The following SIL1 variants were observed in gnomAD, a reference collection of about 807,000 sequenced individuals.
The protein encoded by SIL1 is SIL1 nucleotide exchange factor.
Under a neutral mutation model 49.1 loss-of-function variants are expected in SIL1, and 40 were observed. That is an observed-to-expected ratio of 0.81 (90% CI 0.63 to 1.06). The LOEUF (loss-of-function observed/expected upper bound fraction) is 1.06. Among genes scored for constraint, SIL1 ranks in the 50% least tolerant of loss-of-function variants. The pLI is 0.00. For missense variants in SIL1, 500 were observed against 572.6 expected (o/e 0.87, Z 1.29); for synonymous variants, 253 against 250.8 (o/e 1.01, Z -0.08).
At chr5:139,005,331 T>G (rs1253105381) in intron 7 of SIL1, among the ~76,000 whole-genome samples, 9 of 151,954 alleles carry the variant, frequency 5.9e-5, no homozygotes, top group Admixed American at 5.9e-4. Context: ...TAGCCTATTG[T>G]TTTTTTGCCC....
Position 138,947,526 on chromosome 5 carries a change from C to A in SIL1, c.1030-53G>T. 1 of 1,528,186 alleles carries A rather than the reference C, an allele frequency of 6.5e-7. No individual in the cohort carries two copies. The highest frequency in any genetic ancestry group is 1.7e-5 in the Admixed American group (1 of 59,902). The allele number at this position is 1,528,186 out of a possible 1,614,324, so 94.7% of individuals were successfully genotyped here. On this transcript the variant is annotated intron_variant, in intron 9 of 9. Transcript: ENST00000394817. The surrounding 1 kb of genome is among the most constrained non-coding windows in gnomAD (Gnocchi z 4.1). ...GTAGGGTGGGGGTGGGGAGAGAACA[C>A]ACAGGGAGCAGTTAGCTCACACCTG...
At chr5:138,955,299 A>G (rs1200226658) in intron 7 of SIL1, among the ~76,000 whole-genome samples, 1 of 152,238 alleles carries the variant, frequency 6.6e-6, no homozygotes, top group East Asian at 1.9e-4. Flanking sequence ...CGGCTGGACT[A>G]AATAAATACC....
At chr5:139,174,902 C>T (rs957772077) in intron 1 of SIL1, among the ~76,000 whole-genome samples, 1 of 131,628 alleles carries the variant, frequency 7.6e-6, no homozygotes, top group Non-Finnish European at 1.5e-5. Flanking sequence ...CATGTCACTG[C>T]ACTCCAGCCT....
Position 139,001,858 on chromosome 5 carries a change from C to T in SIL1, c.767+19313G>A, listed in dbSNP as rs948003671. The stretch of plus-strand genomic sequence containing the variant: ...AGGCAGAGGTTGCCGTGAGCCAAGT[C>T]GCGCCACTGCACTCCAGCCTGGGTG... On this transcript the variant is annotated intron_variant, in intron 7 of 9. Transcript: ENST00000394817. 1.2e-4 allele frequency among the ~76,000 whole-genome samples: 18 copies of T among 151,842 alleles called. No individual in the cohort carries two copies. In the Middle Eastern group the frequency reaches 0.014, roughly 115 times the overall value.
At chr5:138,980,610 G>C (rs1276772262) in intron 7 of SIL1, among the ~76,000 whole-genome samples, 1 of 152,180 alleles carries the variant, frequency 6.6e-6, no homozygotes, top group African/African-American at 2.4e-5. Flanking sequence ...GAGTTTTAGA[G>C]GCACATGCAT....
At chr5:139,153,019 T>C (rs1231179542) in intron 1 of SIL1, among the ~76,000 whole-genome samples, 1 of 152,178 alleles carries the variant, frequency 6.6e-6, no homozygotes, top group Non-Finnish European at 1.5e-5. Flanking sequence ...GGTTTCTCCA[T>C]GTTGGTCAGG....
intron 7 of SIL1, among the ~76,000 whole-genome samples, chr5:139,009,087 G>T (rs1190648987): frequency 1.3e-5 from 2 of 151,576 alleles, no homozygotes; most frequent in Non-Finnish European, 2.9e-5. Flanking sequence ...TTATTATTGT[G>T]TGGGAGTCTA....
intron 7 of SIL1, among the ~76,000 whole-genome samples, chr5:139,001,085 G>T (rs1033836834): frequency 2.6e-5 from 4 of 152,022 alleles, no homozygotes; most frequent in African/African-American, 9.7e-5. Context: ...TGTGTGTGGG[G>T]GGGGAAACTA....
intron 3 of SIL1, among the ~76,000 whole-genome samples, chr5:139,085,623 C>G (rs546030830): frequency 6.6e-6 from 1 of 152,056 alleles, no homozygotes; most frequent in Non-Finnish European, 1.5e-5. Flanking sequence ...GGTGAGGTAA[C>G]TGGGAGAATG....
intron 1 of SIL1, among the ~76,000 whole-genome samples, chr5:139,169,922 A>T (rs2151814527): frequency 7.0e-6 from 1 of 142,280 alleles, no homozygotes; most frequent in South Asian, 2.4e-4. Flanking sequence ...GCCGAGCCGA[A>T]GCTGGACTGT....
chr5:139,041,824 A>C (rs567674700), intron 5 of SIL1, among the ~76,000 whole-genome samples: 153 of 152,106 alleles, frequency 1.0e-3, no homozygotes, highest in African/African-American at 2.7e-3. Context: ...AAAACAAAAA[A>C]AAAAAAAAAC....
intron 1 of SIL1, among the ~76,000 whole-genome samples, chr5:139,163,370 T>C (rs965463059): frequency 6.6e-6 from 1 of 152,040 alleles, no homozygotes; most frequent in East Asian, 1.9e-4. Flanking sequence ...TGTTTTTTTT[T>C]CGGTTTTTTC....
At chr5:139,078,049 A>T (rs148891828) in intron 3 of SIL1, among the ~76,000 whole-genome samples, 1 of 152,264 alleles carries the variant, frequency 6.6e-6, no homozygotes, top group African/African-American at 2.4e-5. Context: ...TGCAATATGG[A>T]TGTATTTTTC....
intron 7 of SIL1, among the ~76,000 whole-genome samples, chr5:139,001,996 A>G (rs1402238635): frequency 6.6e-6 from 1 of 152,062 alleles, no homozygotes; most frequent in Non-Finnish European, 1.5e-5. Context: ...CTATCACTTG[A>G]GCTCAGGAGT....
intron 7 of SIL1, among the ~76,000 whole-genome samples, chr5:138,983,794 C>T (rs1028085824): frequency 2.0e-5 from 3 of 152,152 alleles, no homozygotes; most frequent in Admixed American, 2.0e-4. Context: ...CTGTGAGACA[C>T]ATGCCAAGTG....
intron 7 of SIL1, among the ~76,000 whole-genome samples, chr5:138,978,939 G>A (rs1337323161): frequency 6.6e-6 from 1 of 151,914 alleles, no homozygotes; most frequent in Non-Finnish European, 1.5e-5. Flanking sequence ...ACATTCTTTA[G>A]GTATTCTAGA....
chr5:139,030,013 G>A (rs770877385), intron 5 of SIL1, among the ~76,000 whole-genome samples: 2 of 151,400 alleles, frequency 1.3e-5, no homozygotes, highest in Non-Finnish European at 2.9e-5. Context: ...TTCTCTCTTG[G>A]CTAATTATCA....
Position 139,083,135 on chromosome 5 carries a change from T to A in SIL1, c.245-32089A>T, listed in dbSNP as rs78173453. Among the ~76,000 whole-genome samples, 840 of 152,226 alleles carry A rather than the reference T, an allele frequency of 5.5e-3. 3 individuals carry two copies. Among genetic ancestry groups the A allele is most frequent in the African/African-American group, 0.019 (805 of 41,520 alleles). ...AACCTGAGGCTTGATGTGAGCTTCA[T>A]GAAAGAGGGTGTGGAGGGGAAGGGG... is the stretch of plus-strand genomic sequence containing the variant. On this transcript the variant is annotated intron_variant, in intron 3 of 9. Coordinates refer to ENST00000394817, the MANE Select transcript of SIL1 (RefSeq NM_022464.5).
At chr5:138,955,278 C>G (rs1766877656) in intron 7 of SIL1, among the ~76,000 whole-genome samples, 1 of 152,192 alleles carries the variant, frequency 6.6e-6, no homozygotes, top group South Asian at 2.1e-4. Flanking sequence ...AAACCTTGTT[C>G]AGGGCTAAGC....
Sources: allele counts gnomAD v4.1 joint callset (sites outside exome capture counted in the v4.1 genomes callset), GRCh38; gene constraint gnomAD v4.1.1; non-coding constraint Gnocchi (gnomAD v3.1); transcripts MANE v1.5; gene names NCBI Gene and HGNC (gene_info 2026-07-23, HGNC 2026-07-21).